The following XKR6 variants were observed in gnomAD, a reference collection of about 807,000 sequenced individuals.
XKR6 encodes the protein XK-related protein 6.
In XKR6, 22 loss-of-function variants were observed where a neutral mutation model predicts 56.7. The observed-to-expected ratio is 0.39, with a 90% CI of 0.28 to 0.55. The LOEUF (loss-of-function observed/expected upper bound fraction) is 0.55, where lower values mean the gene tolerates loss of function less well. Among genes scored for constraint, XKR6 ranks in the 20% least tolerant of loss-of-function variants. XKR6 has a pLI of 0.66. For synonymous variants in XKR6, 524 were observed against 387.8 expected (o/e 1.35, Z -4.13); for missense variants, 852 against 889.0 (o/e 0.96, Z 0.53).
chr8:11,196,124 T>G (rs1045607178), intron 1 of XKR6, among the ~76,000 whole-genome samples: 1 of 152,162 alleles, frequency 6.6e-6, no homozygotes, highest in Non-Finnish European at 1.5e-5. Flanking sequence ...AATCTCCTCA[T>G]TTGTAGGTAT....
Position 10,897,988 on chromosome 8 carries a change from G to C in XKR6, c.1890C>G (p.Leu630=), listed in dbSNP as rs1026833313. The C allele has an allele frequency of 1.2e-6, 2 of 1,606,488 alleles. No homozygotes were observed. Among genetic ancestry groups the C allele is most frequent in the African/African-American group, 1.3e-5 (1 of 74,314 alleles). Residue 630 remains leucine (L), a synonymous_variant, in exon 3 of 3, where the codon CTC becomes CTG. Coordinates refer to ENST00000416569, the MANE Select transcript of XKR6 (RefSeq NM_173683.4). ...AVGIRYRDGP[L]LYELLQYESS... is the part of the protein sequence containing the mutation. ...ACTCATACTGTAGCAACTCATAGAG[G>C]AGTGGTCCGTCTCGATATCGAATGC...
rs35783491 is a variant in XKR6 at position 11,165,090 on chromosome 8, CTTTTTTTTT to C, written c.764+35477_764+35485del. On this transcript the variant is annotated intron_variant, in intron 1 of 2. Transcript: ENST00000416569. ...ACACAACCATTCCCTAGGCTATCAC[CTTTTTTTTT>C]TTTTTTTTTTTTTTTTTTGAGACAG... Among the ~76,000 whole-genome samples the C allele has an allele frequency of 8.1e-3, 667 of 82,520 alleles. 10 individuals are homozygous for C. Among genetic ancestry groups the C allele is most frequent in the African/African-American group, 0.033 (640 of 19,346 alleles). The allele number at this position is 82,520 out of a possible 152,430, so 54.1% of individuals were successfully genotyped here.
chr8:11,156,242 T>C (rs747923473), intron 1 of XKR6, among the ~76,000 whole-genome samples: 9 of 152,212 alleles, frequency 5.9e-5, no homozygotes, highest in Non-Finnish European at 1.0e-4. Flanking sequence ...TTTGTCGGTT[T>C]TTCTCCCTCT....
chr8:11,175,785 C>T (rs896462865), intron 1 of XKR6, among the ~76,000 whole-genome samples: 1 of 152,124 alleles, frequency 6.6e-6, no homozygotes, highest in Non-Finnish European at 1.5e-5. Context: ...GATACCTCAG[C>T]GTGGTCACCA....
intron 1 of XKR6, among the ~76,000 whole-genome samples, chr8:11,030,278 C>A (rs1798962080): frequency 6.6e-6 from 1 of 152,198 alleles, no homozygotes; most frequent in Admixed American, 6.5e-5. Flanking sequence ...ACAGGCCTTC[C>A]AGAATGGTCC....
At chr8:10,902,245 G>T (rs1800055858) in intron 2 of XKR6, among the ~76,000 whole-genome samples, 1 of 152,198 alleles carries the variant, frequency 6.6e-6, no homozygotes, top group African/African-American at 2.4e-5. Context: ...ATCTGACTGG[G>T]GAGTCTGCTG....
intron 1 of XKR6, among the ~76,000 whole-genome samples, chr8:10,992,906 C>T (rs550723260): frequency 9.2e-5 from 14 of 152,202 alleles, no homozygotes; most frequent in Admixed American, 2.0e-4. Flanking sequence ...CCAACCACCA[C>T]GCCGAGCTGA....
intron 1 of XKR6, among the ~76,000 whole-genome samples, chr8:11,197,255 T>C (rs965694059): frequency 6.6e-6 from 1 of 152,182 alleles, no homozygotes; most frequent in African/African-American, 2.4e-5. Flanking sequence ...ATCCATTAAA[T>C]GGGAGATTAA....
At chr8:11,120,772 C>A (rs1563151605) in intron 1 of XKR6, among the ~76,000 whole-genome samples, 1 of 152,196 alleles carries the variant, frequency 6.6e-6, no homozygotes, top group Non-Finnish European at 1.5e-5. Flanking sequence ...TATCACACTA[C>A]CTGACTTCAA....
chr8:11,181,748 G>A (rs915930238), intron 1 of XKR6, among the ~76,000 whole-genome samples: 4 of 152,298 alleles, frequency 2.6e-5, no homozygotes, highest in East Asian at 3.9e-4. Flanking sequence ...CATTCAGTAC[G>A]TACTTACTAT....
intron 1 of XKR6, among the ~76,000 whole-genome samples, chr8:10,977,334 G>T (rs2129136064): frequency 6.6e-6 from 1 of 152,148 alleles, no homozygotes; most frequent in South Asian, 2.1e-4. Context: ...GGGACACCCT[G>T]CCCTCTGGTG....
At chr8:11,139,977 CTTT>C (rs910286705) in intron 1 of XKR6, among the ~76,000 whole-genome samples, 5 of 152,022 alleles carry the variant, frequency 3.3e-5, no homozygotes, top group African/African-American at 1.2e-4. Flanking sequence ...GAATGATTTC[CTTT>C]TTAAAGTTCA....
At chr8:11,114,196 T>A (rs1371746152) in intron 1 of XKR6, 2 of 352,082 alleles carry the variant, frequency 5.7e-6, no homozygotes, top group African/African-American at 4.4e-5. Flanking sequence ...CACAGAAAAA[T>A]GAAAATGTAC....
At chr8:11,115,498 TTCA>T (rs1799127451) in intron 1 of XKR6, among the ~76,000 whole-genome samples, 2 of 152,230 alleles carry the variant, frequency 1.3e-5, no homozygotes, top group Admixed American at 1.3e-4. Flanking sequence ...TTTTACACCA[TTCA>T]TCTATGCCCA....
intron 1 of XKR6, among the ~76,000 whole-genome samples, chr8:11,143,275 T>G (rs1048283741): frequency 6.6e-6 from 1 of 152,222 alleles, no homozygotes; most frequent in Non-Finnish European, 1.5e-5. Context: ...AGATCAGCAG[T>G]AGTACTGTGC....
chr8:10,911,234 GTGTA>G (rs1288567158), intron 2 of XKR6, among the ~76,000 whole-genome samples: 16 of 137,702 alleles, frequency 1.2e-4, no homozygotes, highest in African/African-American at 4.6e-4. Context: ...GTGTGTGTGT[GTGTA>G]TAGAGAGAGA....
intron 1 of XKR6, among the ~76,000 whole-genome samples, chr8:11,123,089 T>C (rs1007945951): frequency 2.0e-5 from 3 of 151,728 alleles, no homozygotes; most frequent in African/African-American, 4.8e-5. Context: ...ATACAAAAAA[T>C]AGCCAGGTGT....
At chr8:11,167,579 T>A (rs1450564443) in intron 1 of XKR6, among the ~76,000 whole-genome samples, 1 of 152,014 alleles carries the variant, frequency 6.6e-6, no homozygotes, top group Non-Finnish European at 1.5e-5. Context: ...GAAAGTTACC[T>A]TAGGAAATTA....
At chr8:10,947,060 C>T (rs1015082271) in intron 1 of XKR6, among the ~76,000 whole-genome samples, 2 of 152,084 alleles carry the variant, frequency 1.3e-5, no homozygotes, top group African/African-American at 2.4e-5. Flanking sequence ...TGGTGAGGAT[C>T]GGATGACATA....
Sources: gnomAD v4.1 joint callset for allele counts (sites outside exome capture counted in the v4.1 genomes callset) on GRCh38, gnomAD v4.1.1 for gene constraint, MANE v1.5 for transcripts, NCBI Gene and HGNC (gene_info 2026-07-23, HGNC 2026-07-21) for gene names.